Variants in PDGFRA observed in about 807,000 individuals in gnomAD.
PDGFRA encodes the protein platelet derived growth factor receptor alpha.
Under a neutral mutation model 121.5 loss-of-function variants are expected in PDGFRA, and 25 were observed. That is an observed-to-expected ratio of 0.21 (90% confidence interval 0.15 to 0.29). The LOEUF (loss-of-function observed/expected upper bound fraction) is 0.29, where lower values mean the gene tolerates loss of function less well. Ranked by LOEUF, PDGFRA falls within the 10% of genes least tolerant of loss-of-function variation. The pLI is 1.00. For synonymous variants in PDGFRA, 463 were observed against 494.8 expected (o/e 0.94, Z 0.85); for missense variants, 1,008 against 1,345.1 (o/e 0.75, Z 3.92).
At chr4:54,263,624 A>G in intron 3 of PDGFRA, 43 bp from the exon 4 acceptor site, 1 of 1,596,248 alleles carries the variant, frequency 6.3e-7, no homozygotes, top group Non-Finnish European at 8.6e-7. Flanking sequence ...TGTAAAGGTG[A>G]AATTAATGTC....
chr4:54,260,397 G>GTTTTTTT (rs68009440), intron 2 of PDGFRA, among the ~76,000 whole-genome samples: 9 of 64,598 alleles, frequency 1.4e-4, no homozygotes, highest in African/African-American at 4.7e-4. Context: ...TTCCATGTGG[G>GTTTTTTT]TTTTTTTTTT....
intron 1 of PDGFRA, among the ~76,000 whole-genome samples, chr4:54,256,074 A>G (rs916738424): frequency 1.3e-5 from 2 of 151,862 alleles, no homozygotes; most frequent in Admixed American, 6.6e-5. Context: ...TTGGGTAGGA[A>G]TGGTTTCATA....
chr4:54,238,803 A>C (rs1721144884), intron 1 of PDGFRA, among the ~76,000 whole-genome samples: 1 of 152,118 alleles, frequency 6.6e-6, no homozygotes, highest in Non-Finnish European at 1.5e-5. Context: ...TTGTCTCTAC[A>C]AACAATAATT....
rs1161456190 is a variant in PDGFRA at position 54,281,611 on chromosome 4, A to G, written c.2323+1129A>G. 4.4e-6 allele frequency: 6 copies of G among 1,355,824 alleles called. No homozygotes were observed. In the South Asian group the frequency reaches 7.4e-5, roughly 17 times the overall value. 84.0% of individuals were successfully genotyped at this position (1,355,824 alleles called of 1,614,324 possible). Reference sequence around the variant, plus strand: ...GCTGGTGGAGTTGGCACGAGATGTCAGAGGAACCTGAGTCATGCTCAGGCC... The same window carrying G: ...GCTGGTGGAGTTGGCACGAGATGTCGGAGGAACCTGAGTCATGCTCAGGCC... On this transcript the variant is annotated intron_variant, in intron 16 of 22. Transcript: ENST00000257290.
intron 1 of PDGFRA, among the ~76,000 whole-genome samples, chr4:54,248,570 A>G (rs1721837459): frequency 2.0e-5 from 3 of 152,212 alleles, no homozygotes; most frequent in Non-Finnish European, 2.9e-5. Flanking sequence ...TTAATTCAAG[A>G]TGGATTAAAG....
chr4:54,273,759 A>T (rs1183795229), intron 10 of PDGFRA, 29 bp downstream of exon 10: 1 of 1,590,452 alleles, frequency 6.3e-7, no homozygotes, highest in East Asian at 2.2e-5. Flanking sequence ...AGGACAACTC[A>T]TCAGCTGAGC....
At chr4:54,258,373 T>C (rs1722488663) in intron 1 of PDGFRA, among the ~76,000 whole-genome samples, 1 of 152,156 alleles carries the variant, frequency 6.6e-6, no homozygotes, top group Admixed American at 6.5e-5. Context: ...AAGCAACTTT[T>C]CTAAAAGTTG....
chr4:54,229,955 CGTG>C (rs1720569036), intron 1 of PDGFRA: 1 of 61,546 alleles, frequency 1.6e-5, no homozygotes, highest in Non-Finnish European at 3.1e-5. Flanking sequence ...GAGAGGGGAG[CGTG>C]GAGGGGAGCG....
chr4:54,241,049 T>C (rs1324732749), intron 1 of PDGFRA, among the ~76,000 whole-genome samples: 1 of 152,204 alleles, frequency 6.6e-6, no homozygotes, highest in Non-Finnish European at 1.5e-5. Flanking sequence ...AGTCCAAGCA[T>C]TTCTCAAGCT....
intron 13 of PDGFRA, among the ~76,000 whole-genome samples, 155 bp downstream of exon 13, chr4:54,277,647 G>T (rs1293742920): frequency 1.3e-5 from 2 of 152,120 alleles, no homozygotes; most frequent in African/African-American, 2.4e-5. Flanking sequence ...TTTAGATTAG[G>T]TTTATTTAGA....
At chr4:54,240,848 A>C (rs1031002442) in intron 1 of PDGFRA, among the ~76,000 whole-genome samples, 17 of 152,352 alleles carry the variant, frequency 1.1e-4, no homozygotes, top group Middle Eastern at 3.4e-3. Context: ...GCTATCTTTT[A>C]TAAAATAGTG....
intron 1 of PDGFRA, among the ~76,000 whole-genome samples, chr4:54,247,815 A>G (rs977003400): frequency 5.3e-5 from 8 of 152,206 alleles, no homozygotes; most frequent in African/African-American, 1.9e-4. Context: ...TTGTATATCT[A>G]GAAAACCCCA....
chr4:54,267,218 A>T lies in PDGFRA; in HGVS notation c.760-71A>T, dbSNP rs1438892936. On this transcript the variant is annotated intron_variant, in intron 5 of 22. Transcript: ENST00000257290. Reference sequence around the variant, plus strand: ...GACACATCCATATCATCCAGAGTCCATAGTTTATCTTAGAGTTCACTCCTA... The same window carrying T: ...GACACATCCATATCATCCAGAGTCCTTAGTTTATCTTAGAGTTCACTCCTA... 2.3e-5 allele frequency: 32 copies of T among 1,394,110 alleles called. No homozygotes were observed. The East Asian group carries it at 7.3e-4, about 32-fold the overall frequency. 86.4% of individuals were successfully genotyped at this position (1,394,110 alleles called of 1,614,324 possible). A position where few individuals can be genotyped will look rare whatever the true frequency, so the allele number is the denominator to read the frequency against.
chr4:54,291,293 G>T (rs1377383129), intron 22 of PDGFRA, among the ~76,000 whole-genome samples: 1 of 152,078 alleles, frequency 6.6e-6, no homozygotes, highest in African/African-American at 2.4e-5. Flanking sequence ...ATTCCAGTGT[G>T]TGTCTCTTAA....
intron 1 of PDGFRA, among the ~76,000 whole-genome samples, chr4:54,256,737 G>T (rs953591985): frequency 1.3e-5 from 2 of 151,926 alleles, no homozygotes; most frequent in African/African-American, 2.4e-5. Context: ...TGCGGGCCGG[G>T]TGTGGTGGTT....
chr4:54,287,804 C>T (rs1264414250), intron 19 of PDGFRA, among the ~76,000 whole-genome samples: 1 of 152,202 alleles, frequency 6.6e-6, no homozygotes, highest in Non-Finnish European at 1.5e-5. Context: ...AGAGTGACTT[C>T]CTCCCACTGG....
At chr4:54,231,889 G>C (rs978729551) in intron 1 of PDGFRA, among the ~76,000 whole-genome samples, 2 of 152,246 alleles carry the variant, frequency 1.3e-5, no homozygotes, top group Non-Finnish European at 2.9e-5. Flanking sequence ...CTCTCGGGAC[G>C]CGGACTGAGG....
Position 54,270,749 on chromosome 4 carries a change from GT to G in PDGFRA, c.1237+2del. 1 of 1,464,864 alleles carries G rather than the reference GT, an allele frequency of 6.8e-7. No homozygotes were observed. Among genetic ancestry groups the G allele is most frequent in the Non-Finnish European group, 9.6e-7 (1 of 1,044,148 alleles). 90.7% of individuals were successfully genotyped at this position (1,464,864 alleles called of 1,614,324 possible). On this transcript the variant is annotated splice_donor_variant, in intron 8 of 22. Transcript: ENST00000257290. LOFTEE classifies it high-confidence loss of function. ...TATACTTTTGAACTGTTAACTCAAG[GT>G]ATGTAAAGGGAGTATAAAGATAATG...
At chr4:54,237,696 G>A (rs368630471) in intron 1 of PDGFRA, among the ~76,000 whole-genome samples, 4 of 152,206 alleles carry the variant, frequency 2.6e-5, no homozygotes, top group Admixed American at 2.0e-4. Context: ...CAGGATCCTC[G>A]GAGGCCATCA....
Sources: allele counts gnomAD v4.1 joint callset (sites outside exome capture counted in the v4.1 genomes callset), GRCh38; gene constraint gnomAD v4.1.1; transcripts MANE v1.5; gene names NCBI Gene and HGNC (gene_info 2026-07-23, HGNC 2026-07-21).